Variants in ADTRP observed in about 807,000 individuals in gnomAD.
The protein encoded by ADTRP is androgen-dependent TFPI-regulating protein.
In ADTRP, 20 loss-of-function variants were observed where a neutral mutation model predicts 27.0. The ratio of observed to expected loss-of-function variants is 0.74; its 90% CI spans 0.52 to 1.08. The LOEUF is 1.08. ADTRP is among the 50% of genes least tolerant of loss of function. The pLI is 0.00. For synonymous variants in ADTRP, 101 were observed against 105.2 expected (o/e 0.96, Z 0.25); for missense variants, 251 against 275.0 (o/e 0.91, Z 0.62).
Position 11,768,323 on chromosome 6 carries a change from C to CG in ADTRP, c.213_214insC (p.Gly72ArgfsTer6). 1.2e-6 allele frequency: 2 copies of CG among 1,614,202 alleles called. No individual in the cohort carries two copies. Among genetic ancestry groups the CG allele is most frequent in the Non-Finnish European group, 1.7e-6 (2 of 1,180,028 alleles). On this transcript the variant is annotated frameshift_variant, in exon 2 of 6. Transcript: ENST00000414691. LOFTEE classifies it high-confidence loss of function. ...GTTAGGAACTTAATGTCTTTTCCCCCTTTGGTTCTTTTCAGCACATCATCC... is the reference window on the plus strand; with the variant it reads ...GTTAGGAACTTAATGTCTTTTCCCCCGTTTGGTTCTTTTCAGCACATCATCC...
chr6:11,725,161 AAG>A (rs1012314941), intron 4 of ADTRP, among the ~76,000 whole-genome samples: 20 of 152,220 alleles, frequency 1.3e-4, no homozygotes, highest in African/African-American at 4.8e-4. Context: ...AGGGTGAAGC[AAG>A]AGAGGCCCTA....
At chr6:11,747,178 C>G (rs1276550856) in intron 3 of ADTRP, among the ~76,000 whole-genome samples, 1 of 152,158 alleles carries the variant, frequency 6.6e-6, no homozygotes, top group African/African-American at 2.4e-5. Context: ...AAAACTGAAA[C>G]AAAATTTCTC....
intron 3 of ADTRP, among the ~76,000 whole-genome samples, chr6:11,754,568 C>T (rs1186928447): frequency 6.6e-6 from 1 of 152,176 alleles, no homozygotes; most frequent in Admixed American, 6.5e-5. Context: ...CCAGGAAATG[C>T]TCTGCAGAAT....
At chr6:11,747,318 G>A (rs1279200847) in intron 3 of ADTRP, among the ~76,000 whole-genome samples, 1 of 152,224 alleles carries the variant, frequency 6.6e-6, no homozygotes, top group Non-Finnish European at 1.5e-5. Context: ...TACCAGGCGA[G>A]CTCTCCAGAA....
chr6:11,718,855 A>T (rs941180422), intron 5 of ADTRP, among the ~76,000 whole-genome samples: 1 of 152,224 alleles, frequency 6.6e-6, no homozygotes, highest in Non-Finnish European at 1.5e-5. Context: ...GCATTCTTGA[A>T]GGACCTTCCT....
At chr6:11,765,065 G>A (rs1203302442) in intron 3 of ADTRP, among the ~76,000 whole-genome samples, 1 of 151,298 alleles carries the variant, frequency 6.6e-6, no homozygotes, top group African/African-American at 2.4e-5. Flanking sequence ...CTCCAAAAGA[G>A]TTCAGAGCTG....
intron 3 of ADTRP, among the ~76,000 whole-genome samples, chr6:11,755,853 T>C (rs1026416211): frequency 6.6e-6 from 1 of 152,234 alleles, no homozygotes; most frequent in Admixed American, 6.5e-5. Flanking sequence ...CCACTTTATT[T>C]CTGCTCGGGA....
At chr6:11,737,559 T>C (rs1028125587) in intron 3 of ADTRP, among the ~76,000 whole-genome samples, 13 of 152,092 alleles carry the variant, frequency 8.5e-5, no homozygotes, top group African/African-American at 2.7e-4. Flanking sequence ...TCGGATATCA[T>C]AATGACCCAC....
intron 1 of ADTRP, among the ~76,000 whole-genome samples, chr6:11,773,197 T>C (rs1763843012): frequency 6.6e-6 from 1 of 152,138 alleles, no homozygotes; most frequent in Non-Finnish European, 1.5e-5. Context: ...TATCTGGAAT[T>C]AGGAAAAGAA....
chr6:11,742,328 TTTAA>T (rs1479324097), intron 3 of ADTRP, among the ~76,000 whole-genome samples: 3 of 152,176 alleles, frequency 2.0e-5, no homozygotes, highest in Non-Finnish European at 4.4e-5. Context: ...TTTTTAACTC[TTTAA>T]TTTTTTCTCT....
chr6:11,738,022 A>G (rs1347998514), intron 3 of ADTRP, among the ~76,000 whole-genome samples: 2 of 152,174 alleles, frequency 1.3e-5, no homozygotes, highest in Non-Finnish European at 2.9e-5. Flanking sequence ...CAGTTATAAA[A>G]TGGGGACAAT....
chr6:11,747,274 A>G (rs567723047), intron 3 of ADTRP, among the ~76,000 whole-genome samples: 2 of 152,336 alleles, frequency 1.3e-5, no homozygotes, highest in African/African-American at 4.8e-5. Context: ...GAGATGCTGA[A>G]GACACACACA....
chr6:11,768,492 G>C, intron 1 of ADTRP, 109 bp from the exon 2 acceptor site: 1 of 1,413,986 alleles, frequency 7.1e-7, no homozygotes, highest in African/African-American at 1.4e-5. Flanking sequence ...GAGAGGGAGA[G>C]GGCTGTTGGG....
intron 5 of ADTRP, among the ~76,000 whole-genome samples, chr6:11,721,135 A>G (rs181384513): frequency 6.6e-6 from 1 of 152,332 alleles, no homozygotes; most frequent in Non-Finnish European, 1.5e-5. Flanking sequence ...GAAGGGCATG[A>G]AGTCCAACCT....
chr6:11,738,035 A>G (rs930600079), intron 3 of ADTRP, among the ~76,000 whole-genome samples: 27 of 152,200 alleles, frequency 1.8e-4, no homozygotes, highest in Non-Finnish European at 3.7e-4. Flanking sequence ...GGGACAATAA[A>G]TAGTACATAC....
intron 3 of ADTRP, among the ~76,000 whole-genome samples, chr6:11,739,581 AGAT>A (rs34106080): frequency 0.42 from 63,200 of 151,892 alleles, 15,658 homozygotes; most frequent in Non-Finnish European, 0.57. Context: ...ATAGCCTTGC[AGAT>A]GATAAGTACT....
chr6:11,733,224 G>C (rs1302977097), intron 4 of ADTRP, among the ~76,000 whole-genome samples: 1 of 152,200 alleles, frequency 6.6e-6, no homozygotes, highest in Admixed American at 6.5e-5. Context: ...TACCTGTCTT[G>C]TTCCTCTTCA....
At chr6:11,747,952 A>G (rs1351324648) in intron 3 of ADTRP, among the ~76,000 whole-genome samples, 3 of 152,224 alleles carry the variant, frequency 2.0e-5, no homozygotes, top group Non-Finnish European at 4.4e-5. Context: ...GGAGACATGA[A>G]TACACAGTTA....
At chr6:11,744,381 G>A (rs774310351) in intron 3 of ADTRP, among the ~76,000 whole-genome samples, 5 of 152,200 alleles carry the variant, frequency 3.3e-5, no homozygotes, top group Non-Finnish European at 7.3e-5. Flanking sequence ...CTAACATGGG[G>A]GCTACAGGAA....
Sources: allele counts gnomAD v4.1 joint callset (sites outside exome capture counted in the v4.1 genomes callset), GRCh38; gene constraint gnomAD v4.1.1; transcripts MANE v1.5; gene names NCBI Gene and HGNC (gene_info 2026-07-23, HGNC 2026-07-21).